The following ASIC2 variants were observed in gnomAD, a reference collection of about 807,000 sequenced individuals.
ASIC2 encodes the protein acid-sensing ion channel 2.
A neutral mutation model predicts 57.3 loss-of-function variants in ASIC2; 25 were observed. The ratio of observed to expected loss-of-function variants is 0.44; its 90% confidence interval spans 0.32 to 0.61. The LOEUF (loss-of-function observed/expected upper bound fraction) is 0.61, where lower values mean the gene tolerates loss of function less well. Among genes scored for constraint, ASIC2 ranks in the 20% least tolerant of loss-of-function variants. The probability of loss-of-function intolerance (pLI) is 0.06; values close to 1 mark genes in which losing one functional copy is unlikely to be tolerated. For synonymous variants in ASIC2, 319 were observed against 307.5 expected, an observed-to-expected ratio of 1.04 and a Z score of -0.39; for missense variants, 641 against 738.1, an observed-to-expected ratio of 0.87 and a Z score of 1.52.
At chr17:33,697,192 C>G (rs147258967) in intron 1 of ASIC2, among the ~76,000 whole-genome samples, 34 of 152,302 alleles carry the variant, frequency 2.2e-4, no homozygotes, top group Non-Finnish European at 3.8e-4. Flanking sequence ...CAGCATCACA[C>G]TTCCTGTACA....
intron 1 of ASIC2, among the ~76,000 whole-genome samples, chr17:33,413,905 C>T (rs185777324): frequency 3.3e-4 from 50 of 152,314 alleles, no homozygotes; most frequent in Admixed American, 3.1e-3. Flanking sequence ...CCCTGGCATG[C>T]AAGCTCTGCA....
intron 1 of ASIC2, among the ~76,000 whole-genome samples, chr17:33,399,641 G>T (rs1482236047): frequency 6.6e-6 from 1 of 152,196 alleles, no homozygotes; most frequent in African/African-American, 2.4e-5. Flanking sequence ...TCTGCTTTCA[G>T]TGTGGTCACA....
chr17:33,461,629 T>C (rs1466048480), intron 1 of ASIC2, among the ~76,000 whole-genome samples: 2 of 152,056 alleles, frequency 1.3e-5, no homozygotes, highest in African/African-American at 4.8e-5. Context: ...TCTAAGAGGG[T>C]CCTGACTGAT....
intron 1 of ASIC2, among the ~76,000 whole-genome samples, chr17:33,302,395 T>G (rs1440377070): frequency 6.6e-6 from 1 of 152,206 alleles, no homozygotes; most frequent in Non-Finnish European, 1.5e-5. Flanking sequence ...ACTGTCCCCT[T>G]AACTGTCTTC....
intron 1 of ASIC2, among the ~76,000 whole-genome samples, chr17:33,178,067 A>G (rs557633612): frequency 1.3e-5 from 2 of 152,286 alleles, no homozygotes; most frequent in East Asian, 3.9e-4. Context: ...AAGGTTATCC[A>G]TGGACCCTGG....
chr17:33,329,991 C>A (rs1022190567), intron 1 of ASIC2, among the ~76,000 whole-genome samples: 2 of 152,184 alleles, frequency 1.3e-5, no homozygotes, highest in Non-Finnish European at 1.5e-5. Context: ...GATATCCTAC[C>A]TGTCCCTGTA....
At chr17:34,031,737 C>T (rs12453380) in intron 1 of ASIC2, among the ~76,000 whole-genome samples, 21,087 of 151,980 alleles carry the variant, frequency 0.14, 1,581 homozygotes, top group Admixed American at 0.19. Context: ...GTAGCCAATG[C>T]GATCAACTGG....
At chr17:34,012,595 C>T (rs1202131306) in intron 1 of ASIC2, among the ~76,000 whole-genome samples, 2 of 152,148 alleles carry the variant, frequency 1.3e-5, no homozygotes, top group Non-Finnish European at 2.9e-5. Flanking sequence ...GGGTTAAATG[C>T]CTCTTTCTGG....
rs142151883 is a variant in ASIC2 at position 33,567,062 on chromosome 17, C to T, written c.556-454995G>A. Among the ~76,000 whole-genome samples, 127 of 152,220 alleles carry T rather than the reference C, an allele frequency of 8.3e-4. 2 individuals carry two copies. Among genetic ancestry groups the T allele is most frequent in the African/African-American group, 2.9e-3 (122 of 41,534 alleles). ...TTCCTTGTTTTCTCTTGCATGTGTTCATTCAAAATTTATGTATTTAGTGCC... is the reference window on the plus strand; with the variant it reads ...TTCCTTGTTTTCTCTTGCATGTGTTTATTCAAAATTTATGTATTTAGTGCC... On this transcript the variant is annotated intron_variant, in intron 1 of 9. Transcript: ENST00000359872.
chr17:33,447,430 T>C lies in ASIC2; in HGVS notation c.556-335363A>G, dbSNP rs146501659. Among the ~76,000 whole-genome samples the C allele has an allele frequency of 1.2e-3, 184 of 152,252 alleles. No homozygotes were observed. In the Middle Eastern group the frequency reaches 0.014, roughly 11 times the overall value. On this transcript the variant is annotated intron_variant, in intron 1 of 9. Transcript: ENST00000359872. Reference sequence around the variant, plus strand: ...GTTGAAGTACTGTCAGAAACAGATATGTCAGGAGATGGGAACTAAAACACT... The same window carrying C: ...GTTGAAGTACTGTCAGAAACAGATACGTCAGGAGATGGGAACTAAAACACT...
intron 1 of ASIC2, among the ~76,000 whole-genome samples, chr17:33,265,758 A>G (rs187362669): frequency 0.017 from 2,518 of 152,316 alleles, 36 homozygotes; most frequent in Non-Finnish European, 0.027. Context: ...TGGCTCTCCC[A>G]GTCCTGGGCT....
chr17:33,683,542 T>C (rs540522019), intron 1 of ASIC2, among the ~76,000 whole-genome samples: 2 of 152,268 alleles, frequency 1.3e-5, no homozygotes, highest in East Asian at 3.9e-4. Context: ...CAGATAGTTT[T>C]TTTTTAAAAA....
chr17:33,497,326 A>G (rs866743983), intron 1 of ASIC2, among the ~76,000 whole-genome samples: 1 of 152,254 alleles, frequency 6.6e-6, no homozygotes, highest in Non-Finnish European at 1.5e-5. Context: ...GAAAGGGCCC[A>G]TAGGGCTGTT....
At chr17:33,725,688 A>G (rs1332036223) in intron 1 of ASIC2, among the ~76,000 whole-genome samples, 1 of 150,794 alleles carries the variant, frequency 6.6e-6, no homozygotes, top group African/African-American at 2.4e-5. Flanking sequence ...TCCTCAGCAT[A>G]TGGATGCAAT....
In ASIC2 at chr17:33,700,225, G is replaced by A. The variant is rs185528168; in HGVS notation, c.555+455753C>T. Among the ~76,000 whole-genome samples the A allele has an allele frequency of 4.3e-3, 656 of 152,194 alleles. 2 individuals are homozygous for A. The highest frequency in any genetic ancestry group is 0.02 in the South Asian group (94 of 4,820). ...TAGAATAGAAATAAATCTTCCTGCC[G>A]ACTCAGGGAAATAGCAAGAAACTTT... On this transcript the variant is annotated intron_variant, in intron 1 of 9. Transcript: ENST00000359872.
chr17:33,936,788 T>A (rs555421847), intron 1 of ASIC2: 5 of 152,272 alleles, frequency 3.3e-5, no homozygotes, highest in Admixed American at 2.0e-4. Context: ...AACTCTGAGA[T>A]CACGTCTATA....
intron 1 of ASIC2, among the ~76,000 whole-genome samples, chr17:33,124,296 A>G (rs531488584): frequency 2.0e-4 from 31 of 152,356 alleles, no homozygotes; most frequent in Admixed American, 1.4e-3. Context: ...AGATTCACAA[A>G]TGCAGAGAGT....
intron 1 of ASIC2, among the ~76,000 whole-genome samples, chr17:33,506,115 C>T (rs560193979): frequency 1.3e-5 from 2 of 151,896 alleles, no homozygotes; most frequent in East Asian, 3.9e-4. Context: ...GCTGGACAGG[C>T]TGGGTGTGGT....
chr17:33,554,631 C>T (rs920968159), intron 1 of ASIC2, among the ~76,000 whole-genome samples: 1 of 152,014 alleles, frequency 6.6e-6, no homozygotes, highest in Non-Finnish European at 1.5e-5. Context: ...GTTCTTCTGT[C>T]TTCTGTGCTT....
Sources: gnomAD v4.1 joint callset for allele counts (sites outside exome capture counted in the v4.1 genomes callset) on GRCh38, gnomAD v4.1.1 for gene constraint, MANE v1.5 for transcripts, NCBI Gene and HGNC (gene_info 2026-07-23, HGNC 2026-07-21) for gene names.